The following KIF18A variants were observed in gnomAD, a reference collection of about 807,000 sequenced individuals.
KIF18A encodes the protein kinesin family member 18A, also known as kinesin-like protein KIF18A.
KIF18A carries 67 observed loss-of-function variants against 103.3 expected under a neutral mutation model. The observed-to-expected ratio is 0.65, with a 90% CI of 0.53 to 0.79. The LOEUF is 0.79. KIF18A is among the 30% of genes least tolerant of loss of function. The pLI is 0.00. For synonymous variants in KIF18A, 367 were observed against 355.5 expected, an observed-to-expected ratio of 1.03 and a Z score of -0.36; for missense variants, 1,032 against 1,062.5, an observed-to-expected ratio of 0.97 and a Z score of 0.40.
chr11:28,036,704 C>T (rs2133497192), intron 13 of KIF18A, 40 bp from the exon 14 acceptor site: 2 of 1,318,040 alleles, frequency 1.5e-6, no homozygotes, highest in Non-Finnish European at 2.1e-6. Context: ...ATAATGTTTC[C>T]TAGTTTTTTA....
intron 14 of KIF18A, 32 bp from the exon 15 acceptor site, chr11:28,035,526 T>A (rs1242040529): frequency 7.8e-7 from 1 of 1,287,376 alleles, no homozygotes; most frequent in East Asian, 2.6e-5. Context: ...TAAAAAATAA[T>A]AATTTTGATT....
chr11:28,065,053 C>A (rs180846805), intron 11 of KIF18A, among the ~76,000 whole-genome samples: 5 of 152,060 alleles, frequency 3.3e-5, no homozygotes, highest in Admixed American at 2.6e-4. Flanking sequence ...GCAGAAGGAC[C>A]AAACGTAGCA....
intron 10 of KIF18A, among the ~76,000 whole-genome samples, chr11:28,072,002 T>A (rs1851022336): frequency 6.6e-6 from 1 of 152,190 alleles, no homozygotes; most frequent in Non-Finnish European, 1.5e-5. Flanking sequence ...GACTTTTTAC[T>A]TCTAATGTCC....
intron 10 of KIF18A, among the ~76,000 whole-genome samples, chr11:28,069,685 C>G (rs1850985188): frequency 1.3e-5 from 2 of 151,722 alleles, no homozygotes; most frequent in East Asian, 1.9e-4. Flanking sequence ...AAATCAAAGA[C>G]TATAACTTTT....
intron 1 of KIF18A, among the ~76,000 whole-genome samples, 176 bp downstream of exon 1, chr11:28,107,888 C>T (rs1202679322): frequency 6.6e-6 from 1 of 152,184 alleles, no homozygotes; most frequent in Non-Finnish European, 1.5e-5. Context: ...GTGCTCTTAG[C>T]AGGTTCTCGA....
chr11:28,107,391 G>A (rs942296808), intron 1 of KIF18A, among the ~76,000 whole-genome samples: 2 of 150,132 alleles, frequency 1.3e-5, no homozygotes, highest in Non-Finnish European at 3.0e-5. Flanking sequence ...AAAAAAAAAA[G>A]TCCTGCGGAA....
chr11:28,087,995 A>G (rs1464835467), intron 6 of KIF18A, among the ~76,000 whole-genome samples: 2 of 152,174 alleles, frequency 1.3e-5, no homozygotes, highest in East Asian at 3.8e-4. Flanking sequence ...CATATGGTAT[A>G]TGTAAACTAT....
At chr11:28,099,879 A>C (rs1851423970) in intron 1 of KIF18A, among the ~76,000 whole-genome samples, 1 of 152,164 alleles carries the variant, frequency 6.6e-6, no homozygotes, top group African/African-American at 2.4e-5. Context: ...GAGTGACATA[A>C]TCTATCACTC....
chr11:28,107,833 C>G (rs774120048), intron 1 of KIF18A, among the ~76,000 whole-genome samples: 2 of 152,174 alleles, frequency 1.3e-5, no homozygotes, highest in African/African-American at 2.4e-5. Flanking sequence ...AAGGAGATCC[C>G]TGCCCTTCCA....
chr11:28,104,656 G>A (rs541206702), intron 1 of KIF18A, among the ~76,000 whole-genome samples: 6 of 152,090 alleles, frequency 3.9e-5, no homozygotes, highest in African/African-American at 1.4e-4. Flanking sequence ...ATGTTATCTG[G>A]TTACATATTT....
intron 13 of KIF18A, among the ~76,000 whole-genome samples, chr11:28,052,328 A>G (rs1057505586): frequency 6.6e-6 from 1 of 152,120 alleles, no homozygotes; most frequent in Non-Finnish European, 1.5e-5. Flanking sequence ...AAGTCCTGAT[A>G]GTAACCTACA....
In KIF18A at chr11:28,021,046, A is replaced by G; in HGVS notation, c.*154T>C. 1 of 593,672 alleles carries G rather than the reference A, an allele frequency of 1.7e-6. No individual in the cohort carries two copies. The highest frequency in any genetic ancestry group is 2.4e-6 in the Non-Finnish European group (1 of 417,216). 36.8% of individuals were successfully genotyped at this position (593,672 alleles called of 1,614,324 possible). A position where few individuals can be genotyped will look rare whatever the true frequency, so the allele number is the denominator to read the frequency against. ...TTTAGAACACAAAAGAAGAAAACAAAGAGTTTCATTTTTCTGCTTGCTGAA... is the reference window on the plus strand; with the variant it reads ...TTTAGAACACAAAAGAAGAAAACAAGGAGTTTCATTTTTCTGCTTGCTGAA... On this transcript the variant is annotated 3_prime_UTR_variant, in exon 17 of 17. Transcript: ENST00000263181.
intron 12 of KIF18A, among the ~76,000 whole-genome samples, chr11:28,060,878 A>G (rs553355709): frequency 6.6e-6 from 1 of 152,324 alleles, no homozygotes; most frequent in African/African-American, 2.4e-5. Context: ...AGCAGAGAAC[A>G]TTTCACATGT....
chr11:28,060,285 T>C (rs1015544013), intron 12 of KIF18A, among the ~76,000 whole-genome samples: 6 of 152,196 alleles, frequency 3.9e-5, no homozygotes, highest in African/African-American at 1.2e-4. Context: ...ATAGATGATG[T>C]TCCAGTTGAC....
intron 1 of KIF18A, among the ~76,000 whole-genome samples, chr11:28,102,839 A>G (rs1851463581): frequency 6.6e-6 from 1 of 152,194 alleles, no homozygotes. Context: ...TTCCTACATT[A>G]TTATGTGGTG....
Position 28,062,450 on chromosome 11 carries a change from TA to T in KIF18A, c.1656del (p.Arg553AspfsTer3). The part of the protein sequence containing the change: ...HLQNKDLKAQ[I>X]RHMMDLACLQ... The stretch of plus-strand genomic sequence containing the variant: ...AGACAAGCTAGATCCATCATATGTC[TA>T]ATTTGTGCTTTCAAATCTTTGTTCT... On this transcript the variant is annotated frameshift_variant, in exon 12 of 17. Coordinates refer to ENST00000263181, the MANE Select transcript of KIF18A (RefSeq NM_031217.4). LOFTEE classifies it high-confidence loss of function. 6.2e-7 allele frequency: 1 copy of T among 1,611,984 alleles called. No homozygotes were observed. The highest frequency in any genetic ancestry group is 8.5e-7 in the Non-Finnish European group (1 of 1,178,676).
intron 3 of KIF18A, among the ~76,000 whole-genome samples, chr11:28,093,173 A>G (rs779440208): frequency 3.3e-5 from 5 of 152,214 alleles, no homozygotes; most frequent in Admixed American, 6.5e-5. Flanking sequence ...AAATAACCAA[A>G]CTTCAAAATT....
intron 11 of KIF18A, among the ~76,000 whole-genome samples, chr11:28,067,387 G>C (rs1850946834): frequency 6.6e-6 from 1 of 152,034 alleles, no homozygotes; most frequent in Non-Finnish European, 1.5e-5. Context: ...TAGGAAACAG[G>C]ATATCTGCTG....
chr11:28,068,626 C>A (rs1169751536), intron 11 of KIF18A, among the ~76,000 whole-genome samples: 1 of 152,086 alleles, frequency 6.6e-6, no homozygotes, highest in East Asian at 1.9e-4. Flanking sequence ...TTTCTTTCCT[C>A]TTCTTCTGGC....
Sources: gnomAD v4.1 joint callset for allele counts (sites outside exome capture counted in the v4.1 genomes callset) on GRCh38, gnomAD v4.1.1 for gene constraint, MANE v1.5 for transcripts, NCBI Gene and HGNC (gene_info 2026-07-23, HGNC 2026-07-21) for gene names.